Variants in EPB41L1 observed in about 807,000 individuals in gnomAD.
The protein encoded by EPB41L1 is erythrocyte membrane protein band 4.1 like 1, also known as band 4.1-like protein 1.
Under a neutral mutation model 97.8 loss-of-function variants are expected in EPB41L1, and 29 were observed. That is an observed-to-expected ratio of 0.30 (90% CI 0.22 to 0.40). EPB41L1 has a LOEUF of 0.40. EPB41L1 is among the 10% of genes least tolerant of loss of function. The probability of loss-of-function intolerance (pLI) is 1.00; values close to 1 mark genes in which losing one functional copy is unlikely to be tolerated. For synonymous variants in EPB41L1, 383 were observed against 459.2 expected, an observed-to-expected ratio of 0.83 and a Z score of 2.12; for missense variants, 812 against 1,162.3, an observed-to-expected ratio of 0.70 and a Z score of 4.38.
chr20:36,169,385 C>T (rs1302071436), intron 1 of EPB41L1, among the ~76,000 whole-genome samples: 1 of 152,204 alleles, frequency 6.6e-6, no homozygotes, highest in African/African-American at 2.4e-5. Flanking sequence ...TGCTCTACCT[C>T]CCTTCAAGAG....
At chr20:36,193,855 AGCTTGTTCATTCCTCACCTCC>A (rs1262598413) in intron 11 of EPB41L1, among the ~76,000 whole-genome samples, 6 of 152,220 alleles carry the variant, frequency 3.9e-5, no homozygotes, top group Admixed American at 6.5e-5. Flanking sequence ...TATATACATT[AGCTTGTTCATTCCTCACCTCC>A]GCTTTCTAAA....
chr20:36,100,900 G>C (rs111644665), intron 1 of EPB41L1, among the ~76,000 whole-genome samples: 3 of 152,106 alleles, frequency 2.0e-5, no homozygotes, highest in African/African-American at 7.2e-5. Context: ...CTTGGGGCCC[G>C]CCAAGGCTCT....
intron 2 of EPB41L1, among the ~76,000 whole-genome samples, chr20:36,134,782 G>A (rs568433349): frequency 1.1e-4 from 17 of 151,746 alleles, no homozygotes; most frequent in South Asian, 8.3e-4. Flanking sequence ...ATGGCTGCAC[G>A]TCTGTCTGTG....
intron 15 of EPB41L1, among the ~76,000 whole-genome samples, chr20:36,210,840 A>C (rs1293959067): frequency 1.3e-5 from 2 of 152,216 alleles, no homozygotes; most frequent in African/African-American, 4.8e-5. Context: ...TAGGCCTGGC[A>C]TATACTAGGC....
intron 2 of EPB41L1, among the ~76,000 whole-genome samples, chr20:36,136,069 A>G (rs1308125008): frequency 1.3e-5 from 2 of 149,872 alleles, no homozygotes; most frequent in African/African-American, 2.4e-5. Context: ...TTTCTTTGGC[A>G]TCATCTCATG....
At chr20:36,177,052 C>G (rs2061271519) in intron 3 of EPB41L1, among the ~76,000 whole-genome samples, 1 of 152,186 alleles carries the variant, frequency 6.6e-6, no homozygotes, top group Non-Finnish European at 1.5e-5. Context: ...TCTGCCTGTC[C>G]TAGAAGTGCA....
In EPB41L1 at chr20:36,157,519, A is replaced by G. The variant is rs368237692; in HGVS notation, c.-15+2623A>G. Reference sequence around the variant, plus strand: ...TCTACCATGACATTTACTGGGGGCAATATCTGGAAGTACCAGGTTGGTGTC... The same window carrying G: ...TCTACCATGACATTTACTGGGGGCAGTATCTGGAAGTACCAGGTTGGTGTC... On this transcript the variant is annotated intron_variant, in intron 1 of 21. Transcript: ENST00000338074. Among the ~76,000 whole-genome samples the G allele has an allele frequency of 4.9e-4, 75 of 152,306 alleles. 1 individual carries two copies. The highest frequency in any genetic ancestry group is 8.2e-4 in the Non-Finnish European group (56 of 68,026).
rs1344714643 is a variant in EPB41L1, at chr20:36,195,624, C to T, written c.1485+260C>T. On this transcript the variant is annotated intron_variant, in intron 13 of 21. Coordinates refer to ENST00000338074, the MANE Select transcript of EPB41L1 (RefSeq NM_012156.2). The surrounding 1 kb of genome is among the most constrained non-coding windows in gnomAD (Gnocchi z 4.6). ...CCTCCCTCAGCCCTCCCACCCTCTC[C>T]CCAGCTCACCCGGTCCTCCATACTT... Among the ~76,000 whole-genome samples, 1 of 152,192 alleles carries T rather than the reference C, an allele frequency of 6.6e-6. No homozygotes were observed. Among genetic ancestry groups the T allele is most frequent in the Non-Finnish European group, 1.5e-5 (1 of 68,026 alleles).
rs1202151068 is a variant in EPB41L1, at chr20:36,162,119, T to C, written c.-15+7223T>C. Among the ~76,000 whole-genome samples, 2 of 152,190 alleles carry C rather than the reference T, an allele frequency of 1.3e-5. 1 individual carries two copies. Among genetic ancestry groups the C allele is most frequent in the Non-Finnish European group, 2.9e-5 (2 of 68,026 alleles). On this transcript the variant is annotated intron_variant, in intron 1 of 21. Transcript: ENST00000338074. Reference sequence around the variant, plus strand: ...GAGGTGCAGGGGATAGTCTTCTCAATAGAGGTTAAGTAACCTGCCCAAGGT... The same window carrying C: ...GAGGTGCAGGGGATAGTCTTCTCAACAGAGGTTAAGTAACCTGCCCAAGGT...
chr20:36,216,040 A>C (rs1401073201), intron 17 of EPB41L1, among the ~76,000 whole-genome samples: 1 of 152,178 alleles, frequency 6.6e-6, no homozygotes, highest in Non-Finnish European at 1.5e-5. Context: ...GGGGAACGAA[A>C]GCAATCTGTG....
rs6060856 is a variant in EPB41L1, at chr20:36,201,950, G to A, written c.1668+3909G>A. Reference sequence around the variant, plus strand: ...GAAAACTTCTTTAGCTGCTGCAAACGTGCTGGAACTTTAAGAAAGACATAA... The same window carrying A: ...GAAAACTTCTTTAGCTGCTGCAAACATGCTGGAACTTTAAGAAAGACATAA... On this transcript the variant is annotated intron_variant, in intron 14 of 21. Coordinates refer to ENST00000338074, the MANE Select transcript of EPB41L1 (RefSeq NM_012156.2). 2.9e-3 allele frequency among the ~76,000 whole-genome samples: 447 copies of A among 152,300 alleles called. 6 individuals carry two copies. Among genetic ancestry groups the A allele is most frequent in the African/African-American group, 0.01 (427 of 41,546 alleles).
rs751311775 is a variant in EPB41L1 at position 36,190,823 on chromosome 20, C to T, written c.1300+26C>T. ...GTATGGCCCAAATTGGAGGGCTGGGCGGGGAATGGTCTTCAGAGGGAACTG... is the reference window on the plus strand; with the variant it reads ...GTATGGCCCAAATTGGAGGGCTGGGTGGGGAATGGTCTTCAGAGGGAACTG... On this transcript the variant is annotated intron_variant, in intron 11 of 21. Coordinates refer to ENST00000338074, the MANE Select transcript of EPB41L1 (RefSeq NM_012156.2). The surrounding 1 kb of genome is among the most constrained non-coding windows in gnomAD (Gnocchi z 5.8). 87 of 1,610,984 alleles carry T rather than the reference C, an allele frequency of 5.4e-5. No individual in the cohort carries two copies. In the East Asian group the frequency reaches 1.1e-3, roughly 21 times the overall value.
intron 2 of EPB41L1, among the ~76,000 whole-genome samples, chr20:36,145,737 A>G (rs1199323433): frequency 6.6e-6 from 1 of 152,254 alleles, no homozygotes; most frequent in Non-Finnish European, 1.5e-5. Flanking sequence ...TATGGTAACC[A>G]CTAACCACAT....
At chr20:36,218,347 A>G (rs2063564206) in intron 17 of EPB41L1, among the ~76,000 whole-genome samples, 1 of 152,224 alleles carries the variant, frequency 6.6e-6, no homozygotes, top group African/African-American at 2.4e-5. Flanking sequence ...GCACTCAGAA[A>G]GTCATTATTA....
intron 2 of EPB41L1, among the ~76,000 whole-genome samples, chr20:36,146,483 G>A (rs1444458723): frequency 6.6e-6 from 1 of 152,252 alleles, no homozygotes; most frequent in Non-Finnish European, 1.5e-5. Context: ...GCAGAAGGCT[G>A]TGTTTACATA....
In EPB41L1 at chr20:36,093,647, G is replaced by A. The variant is rs2057733434; in HGVS notation, c.-65+2035G>A. Reference sequence around the variant, plus strand: ...CCGCGTTCTGACCTGAGCTGGAGAGGAGGGCGTGTCCTGCTTGAAGCCCGT... The same window carrying A: ...CCGCGTTCTGACCTGAGCTGGAGAGAAGGGCGTGTCCTGCTTGAAGCCCGT... On this transcript the variant is annotated intron_variant, in intron 1 of 19. Transcript: ENST00000202028. The surrounding 1 kb of genome is among the most constrained non-coding windows in gnomAD (Gnocchi z 5.4). Among the ~76,000 whole-genome samples, 1 of 150,456 alleles carries A rather than the reference G, an allele frequency of 6.6e-6. No homozygotes were observed. The highest frequency in any genetic ancestry group is 1.5e-5 in the Non-Finnish European group (1 of 67,622).
At chr20:36,185,379 TG>T in intron 7 of EPB41L1, 44 bp downstream of exon 7, 1 of 1,566,638 alleles carries the variant, frequency 6.4e-7, no homozygotes. Flanking sequence ...CCTTGGCCAG[TG>T]GGAGCCTTCC....
intron 1 of EPB41L1, among the ~76,000 whole-genome samples, chr20:36,097,059 C>T (rs1429391356): frequency 6.6e-6 from 1 of 152,224 alleles, no homozygotes; most frequent in Non-Finnish European, 1.5e-5. Context: ...GGAGGCTCCT[C>T]AGGAGACACA....
intron 2 of EPB41L1, among the ~76,000 whole-genome samples, chr20:36,125,105 C>T (rs559362272): frequency 3.0e-4 from 46 of 152,186 alleles, no homozygotes; most frequent in Non-Finnish European, 5.0e-4. Flanking sequence ...AGCCACTTTG[C>T]GTACTCAAGG....
Sources: gnomAD v4.1 joint callset for allele counts (sites outside exome capture counted in the v4.1 genomes callset) on GRCh38, gnomAD v4.1.1 for gene constraint, Gnocchi (gnomAD v3.1) non-coding constraint, MANE v1.5 for transcripts, NCBI Gene and HGNC (gene_info 2026-07-23, HGNC 2026-07-21) for gene names.